Variants in DOCK4 observed in about 807,000 individuals in gnomAD.
DOCK4 encodes the protein dedicator of cytokinesis 4, also known as dedicator of cytokinesis protein 4.
Under a neutral mutation model 268.1 loss-of-function variants are expected in DOCK4, and 97 were observed. The observed-to-expected ratio is 0.36, with a 90% confidence interval of 0.31 to 0.43. DOCK4 has a LOEUF of 0.43. Among genes scored for constraint, DOCK4 ranks in the 20% least tolerant of loss-of-function variants. The pLI is 1.00. For missense variants in DOCK4, 2,145 were observed against 2,455.7 expected (o/e 0.87, Z 2.67); for synonymous variants, 954 against 887.2 (o/e 1.08, Z -1.34).
intron 7 of DOCK4, among the ~76,000 whole-genome samples, chr7:111,978,319 C>A (rs1586557757): frequency 6.6e-6 from 1 of 152,302 alleles, no homozygotes; most frequent in East Asian, 1.9e-4. Context: ...GCAGCCTCTA[C>A]CTCCCAGGCT....
chr7:111,975,379 A>G (rs887966633), intron 8 of DOCK4, among the ~76,000 whole-genome samples: 2 of 152,220 alleles, frequency 1.3e-5, no homozygotes, highest in Non-Finnish European at 2.9e-5. Flanking sequence ...GAGATCACAT[A>G]TTATACAGAC....
At chr7:112,128,673 G>C (rs988048567) in intron 1 of DOCK4, among the ~76,000 whole-genome samples, 1 of 152,148 alleles carries the variant, frequency 6.6e-6, no homozygotes, top group Admixed American at 6.5e-5. Context: ...AATGGATTAA[G>C]GGCGGTGCAA....
chr7:112,076,622 T>C (rs551234897), intron 1 of DOCK4, among the ~76,000 whole-genome samples: 3 of 152,280 alleles, frequency 2.0e-5, no homozygotes, highest in Admixed American at 6.5e-5. Flanking sequence ...CAAAACCTCA[T>C]CTTGTTGGGA....
intron 11 of DOCK4, among the ~76,000 whole-genome samples, chr7:111,938,836 A>G (rs1047978038): frequency 1.3e-5 from 2 of 152,174 alleles, no homozygotes; most frequent in Middle Eastern, 3.4e-3. Context: ...GTAGCCAGGC[A>G]TGGTGGCATG....
At position 111,874,933 on chromosome 7, in the gene DOCK4, A is replaced by C. The variant is rs527960542; in HGVS notation, c.1744+2097T>G. ...GACCATATCACTTAGTAAATGCTGA[A>C]TTGTAGTAGAAATAAGATTTGTATA... On this transcript the variant is annotated intron_variant, in intron 17 of 52. Coordinates refer to ENST00000428084, the MANE Select transcript of DOCK4 (RefSeq NM_001363540.2). Among the ~76,000 whole-genome samples, 359 of 152,332 alleles carry C rather than the reference A, an allele frequency of 2.4e-3. 1 individual carries two copies. Among genetic ancestry groups the C allele is most frequent in the African/African-American group, 8.1e-3 (338 of 41,574 alleles).
intron 30 of DOCK4, among the ~76,000 whole-genome samples, chr7:111,796,122 G>A (rs1799879568): frequency 6.6e-6 from 1 of 152,162 alleles, no homozygotes; most frequent in Non-Finnish European, 1.5e-5. Context: ...TCTTGGGAAT[G>A]GGTGCTCCCC....
rs1227207197 is a variant in DOCK4, at chr7:112,004,169, G to A, written c.38-38C>T. 5 of 1,447,314 alleles carry A rather than the reference G, an allele frequency of 3.5e-6. No individual in the cohort carries two copies. In the Admixed American group the frequency reaches 7.9e-5, roughly 23 times the overall value. 89.7% of individuals were successfully genotyped at this position (1,447,314 alleles called of 1,614,324 possible). On this transcript the variant is annotated intron_variant, in intron 1 of 52. Coordinates refer to ENST00000428084, the MANE Select transcript of DOCK4 (RefSeq NM_001363540.2). ...ATAAAGAATATATGAAGACAATCAT[G>A]TCCATTACAGCTTATTATTACATGT...
At chr7:111,956,346 A>C (rs1796446133) in intron 8 of DOCK4, among the ~76,000 whole-genome samples, 1 of 152,202 alleles carries the variant, frequency 6.6e-6, no homozygotes, top group Admixed American at 6.5e-5. Flanking sequence ...AAGTATAAAA[A>C]TCCATGTCAT....
chr7:111,800,610 AC>A (rs1300349655), intron 30 of DOCK4, among the ~76,000 whole-genome samples: 1 of 152,188 alleles, frequency 6.6e-6, no homozygotes, highest in Non-Finnish European at 1.5e-5. Flanking sequence ...TAGGACCCCC[AC>A]TAATGGTGGT....
intron 43 of DOCK4, 121 bp downstream of exon 43, chr7:111,747,144 CTG>C (rs921127721): frequency 2.2e-5 from 18 of 816,580 alleles, no homozygotes; most frequent in South Asian, 6.8e-5. Flanking sequence ...ACAAAGGACT[CTG>C]TGTCAATCGC....
At chr7:111,976,810 C>T in intron 8 of DOCK4, 1 of 183,450 alleles carries the variant, frequency 5.5e-6, no homozygotes, top group East Asian at 1.4e-4. Flanking sequence ...CAAACTTCTC[C>T]AGAGAATCTG....
intron 12 of DOCK4, among the ~76,000 whole-genome samples, chr7:111,919,386 T>C (rs1293841011): frequency 2.0e-5 from 3 of 151,730 alleles, no homozygotes; most frequent in Non-Finnish European, 4.4e-5. Context: ...AGAGGACCCA[T>C]TTAGGAGACA....
chr7:111,856,389 G>A (rs1805016543), intron 23 of DOCK4, among the ~76,000 whole-genome samples: 1 of 152,192 alleles, frequency 6.6e-6, no homozygotes, highest in Non-Finnish European at 1.5e-5. Flanking sequence ...TCTATGTGCA[G>A]GGTGAGGTGT....
intron 16 of DOCK4, among the ~76,000 whole-genome samples, chr7:111,877,634 T>A (rs1469823530): frequency 6.6e-6 from 1 of 152,196 alleles, no homozygotes; most frequent in Admixed American, 6.5e-5. Context: ...TGTTAAACAC[T>A]CCCTTACTTT....
rs551771437 is a variant in DOCK4, at chr7:112,019,941, A to C, written c.38-15810T>G. Among the ~76,000 whole-genome samples the C allele has an allele frequency of 7.2e-5, 11 of 152,330 alleles. 1 individual carries two copies. The South Asian group carries it at 1.7e-3, about 23-fold the overall frequency. The stretch of plus-strand genomic sequence containing the variant: ...CAATTTGTTTGTTTGCTTACCTAGG[A>C]GTTAAGCCTAGAACTAAGTCATACT... On this transcript the variant is annotated intron_variant, in intron 1 of 52. Transcript: ENST00000428084.
intron 8 of DOCK4, among the ~76,000 whole-genome samples, chr7:111,950,413 T>A (rs1795965494): frequency 6.6e-6 from 1 of 152,262 alleles, no homozygotes; most frequent in South Asian, 2.1e-4. Context: ...AAGATATGCA[T>A]ACCTCCATTA....
chr7:111,963,230 C>A (rs150214736), intron 8 of DOCK4, among the ~76,000 whole-genome samples: 1 of 151,852 alleles, frequency 6.6e-6, no homozygotes, highest in African/African-American at 2.4e-5. Context: ...GGAACAGCTC[C>A]GGACTACAGC....
At chr7:111,937,746 A>T (rs1228644158) in intron 11 of DOCK4, among the ~76,000 whole-genome samples, 1 of 152,248 alleles carries the variant, frequency 6.6e-6, no homozygotes, top group East Asian at 1.9e-4. Flanking sequence ...GGAAAAATAC[A>T]AATTATTAAC....
rs200669629 is a variant in DOCK4 at position 111,728,610 on chromosome 7, G to A, written c.5592C>T (p.Ser1864=). The A allele has an allele frequency of 1.2e-6, 2 of 1,614,018 alleles. No homozygotes were observed. The highest frequency in any genetic ancestry group is 1.7e-6 in the Non-Finnish European group (2 of 1,179,900). The stretch of plus-strand genomic sequence containing the variant: ...CTGAGGTTTCCGACGTGCTGCACCG[G>A]CTGAGAGAAGAAATCCCACTGCTGT... The part of the protein sequence containing the change: ...GSYSSGISSL[S]RCSTSETSGF... Residue 1864 remains serine, a synonymous_variant, in exon 53 of 53, where the codon AGC becomes AGT. Coordinates refer to ENST00000428084, the MANE Select transcript of DOCK4 (RefSeq NM_001363540.2).
Sources: allele counts gnomAD v4.1 joint callset (sites outside exome capture counted in the v4.1 genomes callset), GRCh38; gene constraint gnomAD v4.1.1; transcripts MANE v1.5; gene names NCBI Gene and HGNC (gene_info 2026-07-23, HGNC 2026-07-21).